EDIL3: variants seen among roughly 807,000 people sequenced by gnomAD.
EDIL3 encodes EGF-like repeat and discoidin I-like domain-containing protein 3.
A neutral mutation model predicts 67.4 loss-of-function variants in EDIL3; 37 were observed. The ratio of observed to expected loss-of-function variants is 0.55; its 90% CI spans 0.42 to 0.72. The LOEUF (loss-of-function observed/expected upper bound fraction) is 0.72, where lower values mean the gene tolerates loss of function less well. EDIL3 is among the 30% of genes least tolerant of loss of function. The pLI, the probability that EDIL3 is intolerant of heterozygous loss-of-function variation, is 0.00. For synonymous variants in EDIL3, 195 were observed against 196.3 expected (o/e 0.99, Z 0.05); for missense variants, 527 against 586.3 (o/e 0.90, Z 1.04).
At chr5:84,312,612 A>AC (rs70975551) in intron 1 of EDIL3, among the ~76,000 whole-genome samples, 20,392 of 138,902 alleles carry the variant, frequency 0.15, 1,558 homozygotes, top group Middle Eastern at 0.2. Flanking sequence ...CGGGGGGCTG[A>AC]CCCCCCCACC....
At chr5:84,049,805 C>T (rs754997953) in intron 9 of EDIL3, among the ~76,000 whole-genome samples, 11 of 152,042 alleles carry the variant, frequency 7.2e-5, no homozygotes, top group Admixed American at 5.2e-4. Flanking sequence ...CTGCCTGAGG[C>T]CCTCACACAT....
chr5:84,149,590 A>G (rs541791879), intron 4 of EDIL3, among the ~76,000 whole-genome samples: 1 of 152,310 alleles, frequency 6.6e-6, no homozygotes, highest in East Asian at 1.9e-4. Context: ...AGGACTACAA[A>G]GTACTGAGCA....
intron 1 of EDIL3, among the ~76,000 whole-genome samples, chr5:84,308,083 G>C (rs1746309400): frequency 6.6e-6 from 1 of 152,066 alleles, no homozygotes; most frequent in African/African-American, 2.4e-5. Flanking sequence ...GTTGAAGGCA[G>C]GGAGATATTT....
At chr5:84,095,722 T>A (rs138360595) in intron 6 of EDIL3, among the ~76,000 whole-genome samples, 2 of 152,126 alleles carry the variant, frequency 1.3e-5, no homozygotes, top group Non-Finnish European at 2.9e-5. Context: ...GACAATGCAA[T>A]AGAAAAGAAA....
At chr5:84,024,192 T>C (rs1745772870) in intron 9 of EDIL3, among the ~76,000 whole-genome samples, 1 of 152,144 alleles carries the variant, frequency 6.6e-6, no homozygotes, top group Non-Finnish European at 1.5e-5. Flanking sequence ...TCATAGAAAA[T>C]CGCTCTCCAA....
At chr5:84,093,861 T>C (rs1227526414) in intron 6 of EDIL3, among the ~76,000 whole-genome samples, 1 of 152,054 alleles carries the variant, frequency 6.6e-6, no homozygotes, top group Non-Finnish European at 1.5e-5. Flanking sequence ...GGTTTCACCA[T>C]ATTGGCCAGG....
chr5:83,982,945 T>C lies in EDIL3; in HGVS notation c.1138-19585A>G, dbSNP rs556407769. Reference sequence around the variant, plus strand: ...CACAAGTGGAAGCCAAGCCTCAGTCTGTATTCTGTTTCCCAAATTGTACAC... The same window carrying C: ...CACAAGTGGAAGCCAAGCCTCAGTCCGTATTCTGTTTCCCAAATTGTACAC... On this transcript the variant is annotated intron_variant, in intron 9 of 10. Coordinates refer to ENST00000296591, the MANE Select transcript of EDIL3 (RefSeq NM_005711.5). Among the ~76,000 whole-genome samples the C allele has an allele frequency of 1.5e-3, 233 of 152,296 alleles. 2 individuals are homozygous for C. Among genetic ancestry groups the C allele is most frequent in the African/African-American group, 5.3e-3 (221 of 41,590 alleles).
At chr5:84,021,040 G>T (rs760340345) in intron 9 of EDIL3, among the ~76,000 whole-genome samples, 1 of 151,904 alleles carries the variant, frequency 6.6e-6, no homozygotes, top group African/African-American at 2.4e-5. Context: ...ATGTCCAATC[G>T]AAAAGAAATA....
intron 5 of EDIL3, among the ~76,000 whole-genome samples, chr5:84,111,610 A>G (rs1747566139): frequency 6.6e-6 from 1 of 152,204 alleles, no homozygotes; most frequent in Non-Finnish European, 1.5e-5. Flanking sequence ...TAGTGGAGAG[A>G]CAAATAATAA....
intron 1 of EDIL3, among the ~76,000 whole-genome samples, chr5:84,320,770 G>T (rs536596602): frequency 5.7e-4 from 87 of 152,180 alleles, no homozygotes; most frequent in African/African-American, 2.0e-3. Context: ...CTAAATATAG[G>T]ACTAAAACAA....
rs185871999 is a variant in EDIL3, at chr5:84,045,124, A to C, written c.1137+15176T>G. Among the ~76,000 whole-genome samples, 1,140 of 152,250 alleles carry C rather than the reference A, an allele frequency of 7.5e-3. 7 individuals are homozygous for C. The highest frequency in any genetic ancestry group is 0.024 in the Middle Eastern group (7 of 294). On this transcript the variant is annotated intron_variant, in intron 9 of 10. Transcript: ENST00000296591. ...AAGAGAAAGAGGAAAACCCTTATAAAACCATCAGATCTCATGAGACTTATT... is the reference window on the plus strand; with the variant it reads ...AAGAGAAAGAGGAAAACCCTTATAACACCATCAGATCTCATGAGACTTATT...
At position 84,384,371 on chromosome 5, in the gene EDIL3, T is replaced by G; in HGVS notation, c.4A>C (p.Lys2Gln). 1 of 1,612,412 alleles carries G rather than the reference T, an allele frequency of 6.2e-7. No homozygotes were observed. The highest frequency in any genetic ancestry group is 1.1e-5 in the South Asian group (1 of 90,814). Reference sequence around the variant, plus strand: ...AAGAGCCAGACGGCTACCGAGCGCTTCATGATCCCGTCTCCCGGACGTGAC... The same window carrying G: ...AAGAGCCAGACGGCTACCGAGCGCTGCATGATCCCGTCTCCCGGACGTGAC... M[K>Q]RSVAVWLLVG... The change falls in exon 1 of 11, where the codon AAG (lysine) becomes CAG (glutamine). Residue 2 changes from lysine (K) to glutamine (Q), a missense_variant. Physicochemically the swap from Lys to Gln is moderately conservative, Grantham distance 53. Around this residue, in one of 2 missense-constraint regions of EDIL3, gnomAD observed 494 missense variants for 522.5 expected, o/e 0.95. Transcript: ENST00000296591.
At chr5:84,319,518 A>G (rs1746587770) in intron 1 of EDIL3, among the ~76,000 whole-genome samples, 8 of 57,924 alleles carry the variant, frequency 1.4e-4, no homozygotes, top group Non-Finnish European at 1.8e-4. Flanking sequence ...AAAAAAAAAA[A>G]AAAAAGAAAT....
chr5:84,215,603 A>C (rs1053609168), intron 3 of EDIL3, among the ~76,000 whole-genome samples: 1 of 152,232 alleles, frequency 6.6e-6, no homozygotes, highest in Non-Finnish European at 1.5e-5. Context: ...ATACGCAGGC[A>C]AAAGACTGAC....
intron 1 of EDIL3, among the ~76,000 whole-genome samples, chr5:84,327,850 A>G (rs1746794937): frequency 6.6e-6 from 1 of 151,974 alleles, no homozygotes; most frequent in Non-Finnish European, 1.5e-5. Context: ...CTTGCTATTG[A>G]CTGGTGAGAC....
chr5:84,263,271 A>C (rs1177246900), intron 1 of EDIL3, among the ~76,000 whole-genome samples: 1 of 152,156 alleles, frequency 6.6e-6, no homozygotes, highest in Admixed American at 6.5e-5. Context: ...CAGAGTGAGC[A>C]CCAGTGTTGC....
chr5:84,129,551 T>C (rs1747924312), intron 5 of EDIL3, among the ~76,000 whole-genome samples: 1 of 152,094 alleles, frequency 6.6e-6, no homozygotes, highest in Non-Finnish European at 1.5e-5. Context: ...GATTAATTTT[T>C]ATTTTATGTA....
At chr5:84,161,482 A>G (rs1561449733) in intron 4 of EDIL3, among the ~76,000 whole-genome samples, 1 of 152,048 alleles carries the variant, frequency 6.6e-6, no homozygotes, top group African/African-American at 2.4e-5. Flanking sequence ...ACAGTCTATA[A>G]TATTTCAAAC....
At chr5:84,070,525 A>G (rs2112245158) in intron 6 of EDIL3, among the ~76,000 whole-genome samples, 1 of 152,278 alleles carries the variant, frequency 6.6e-6, no homozygotes. Context: ...TCCCGTTTCA[A>G]TAACAAGCAT....
Sources: gnomAD v4.1 joint callset for allele counts (sites outside exome capture counted in the v4.1 genomes callset) on GRCh38, gnomAD v4.1.1 for gene constraint, gnomAD v4.1.1 regional missense constraint, MANE v1.5 for transcripts, NCBI Gene and HGNC (gene_info 2026-07-23, HGNC 2026-07-21) for gene names.